The following UMODL1 variants were observed in gnomAD, a reference collection of about 807,000 sequenced individuals.
UMODL1 encodes the protein uromodulin like 1, also known as uromodulin-like 1.
Under a neutral mutation model 136.3 loss-of-function variants are expected in UMODL1, and 128 were observed. The observed-to-expected ratio is 0.94, with a 90% CI of 0.81 to 1.09. The LOEUF (loss-of-function observed/expected upper bound fraction) is 1.09. UMODL1 is among the 50% of genes least tolerant of loss of function. UMODL1 has a pLI of 0.00. For missense variants in UMODL1, 1,766 were observed against 1,725.6 expected (o/e 1.02, Z -0.41); for synonymous variants, 721 against 720.0 (o/e 1.00, Z -0.02).
chr21:42,106,291 C>T (rs145705258), intron 9 of UMODL1, among the ~76,000 whole-genome samples: 57 of 152,238 alleles, frequency 3.7e-4, no homozygotes, highest in African/African-American at 1.3e-3. Context: ...ACCTTCACGG[C>T]GAGGATCTGT....
chr21:42,135,410 G>A (rs896878349), intron 21 of UMODL1, among the ~76,000 whole-genome samples: 6 of 152,236 alleles, frequency 3.9e-5, no homozygotes, highest in African/African-American at 1.2e-4. Context: ...GGTTCAGTTC[G>A]GAGCACACAG....
upstream of UMODL1, among the ~76,000 whole-genome samples, chr21:42,067,560 G>T (rs140813783): frequency 2.6e-4 from 39 of 152,364 alleles, no homozygotes; most frequent in Admixed American, 1.4e-3. Flanking sequence ...AGGGTATTTG[G>T]CTCCTAATCC....
Position 42,111,815 on chromosome 21 carries a change from C to CA in UMODL1, c.2104+107dup, listed in dbSNP as rs1295018516. 1.9e-5 allele frequency: 23 copies of CA among 1,183,422 alleles called. 2 individuals carry two copies. The highest frequency in any genetic ancestry group is 2.7e-5 in the Admixed American group (1 of 37,090). The allele number at this position is 1,183,422 out of a possible 1,614,324, so 73.3% of individuals were successfully genotyped here. ...CAGCCGTGGAGTCGCAGGCTGCTAG[C>CA]AATGCTCAGGCGGCATCCTCATCTT... On this transcript the variant is annotated intron_variant, in intron 12 of 22. Transcript: ENST00000408910.
At chr21:42,074,142 C>A (rs1034995523) in intron 1 of UMODL1, among the ~76,000 whole-genome samples, 4 of 152,074 alleles carry the variant, frequency 2.6e-5, no homozygotes, top group Non-Finnish European at 1.5e-5. Flanking sequence ...GATGAAGTTG[C>A]GGGCAGGGCT....
At position 42,121,437 on chromosome 21, in the gene UMODL1, C is replaced by T. The variant is rs367679495; in HGVS notation, c.2827+213C>T. 1.3e-5 allele frequency among the ~76,000 whole-genome samples: 2 copies of T among 152,046 alleles called. 1 individual carries two copies. The highest frequency in any genetic ancestry group is 4.2e-4 in the South Asian group (2 of 4,818). The stretch of plus-strand genomic sequence containing the variant: ...GTGTGCATGTTCCTTCCCATTCTTT[C>T]ATATGTGTCCAGGCTTCTGGGCAGT... On this transcript the variant is annotated intron_variant, in intron 16 of 22. Coordinates refer to ENST00000408910, the MANE Select transcript of UMODL1 (RefSeq NM_001004416.3).
chr21:42,098,223 G>A (rs879362840), intron 6 of UMODL1, among the ~76,000 whole-genome samples: 3 of 152,104 alleles, frequency 2.0e-5, no homozygotes, highest in Admixed American at 6.5e-5. Context: ...GGATCCCAGA[G>A]AGCCCCACGA....
chr21:42,071,606 A>C (rs557977546), intron 1 of UMODL1, among the ~76,000 whole-genome samples: 1 of 152,228 alleles, frequency 6.6e-6, no homozygotes, highest in South Asian at 2.1e-4. Context: ...TTTTGGGAAG[A>C]GGACTCCCCC....
In UMODL1 at chr21:42,071,334, G is replaced by A; in HGVS notation, c.18G>A (p.Gly6=). The change falls in exon 1 of 23, where the codon GGG becomes GGA. Residue 6 remains glycine (G), a synonymous_variant. Transcript: ENST00000408910. ...GCCGGACGATGCTCAGGACCTCGGG[G>A]CTGGCACTGCTGGCTCTGGTCAGTG... MLRTS[G]LALLALVSAV... The A allele has an allele frequency of 6.3e-7, 1 of 1,595,536 alleles. No individual in the cohort carries two copies. The highest frequency in any genetic ancestry group is 8.5e-7 in the Non-Finnish European group (1 of 1,171,266).
rs776238317 is a variant in UMODL1, at chr21:42,127,724, A to G, written c.3583A>G (p.Lys1195Glu). 2 of 1,614,144 alleles carry G rather than the reference A, an allele frequency of 1.2e-6. No homozygotes were observed. The highest frequency in any genetic ancestry group is 8.5e-7 in the Non-Finnish European group (1 of 1,180,020). Residue 1195 changes from lysine to glutamate, a missense_variant, in exon 20 of 23, where the codon AAG becomes GAG. By Grantham distance (56) the Lys-to-Glu change is moderately conservative. Transcript: ENST00000408910. ...TNVIENGNSN[K>E]AQFKLRIFSF... is the part of the protein sequence containing the mutation. ...CGTGATTGAGAACGGCAACTCCAAT[A>G]AGGCCCAGTTCAAGCTGAGGATCTT...
At position 42,127,021 on chromosome 21, in the gene UMODL1, C is replaced by G. The variant is rs749804614; in HGVS notation, c.3309C>G (p.Ile1103Met). Residue 1103 changes from isoleucine to methionine, a missense_variant, in exon 19 of 23, where the codon ATC (isoleucine) becomes ATG (methionine). Physicochemically the swap from Ile to Met is conservative, Grantham distance 10. Transcript: ENST00000408910. ...FTLEWGVYTIIEDLHGAGNFV... is the reference protein window; with the variant it reads ...FTLEWGVYTIMEDLHGAGNFV... ...CCTCTTGCAGGGTTTACACCATCAT[C>G]GAGGACCTCCACGGCGCTGGGAATT... 7 of 1,614,092 alleles carry G rather than the reference C, an allele frequency of 4.3e-6. No individual in the cohort carries two copies. The highest frequency in any genetic ancestry group is 2.2e-5 in the East Asian group (1 of 44,886).
chr21:42,090,490 C>T (rs781533483), intron 6 of UMODL1, 52 bp downstream of exon 6: 30 of 1,599,798 alleles, frequency 1.9e-5, no homozygotes, highest in Non-Finnish European at 2.5e-5. Context: ...TTCCTGTTTG[C>T]CCCGGGAATA....
At position 42,085,330 on chromosome 21, in the gene UMODL1, C is replaced by T; in HGVS notation, c.521C>T (p.Thr174Ile). 1.2e-6 allele frequency: 2 copies of T among 1,614,070 alleles called. No individual in the cohort carries two copies. The highest frequency in any genetic ancestry group is 1.7e-6 in the Non-Finnish European group (2 of 1,179,984). ...CCTGTGGGCTCCTGGTACAACGTCA[C>T]CATACTGGTGAAAATGGACTTCAAG... ...RDPVGSWYNV[T>I]ILVKMDFKEL... is the part of the protein sequence containing the mutation. The change falls in exon 4 of 23, where the codon ACC becomes ATC. Residue 174 changes from threonine (T) to isoleucine (I), a missense_variant. Thr to Ile is a moderately conservative substitution (Grantham distance 89). Transcript: ENST00000408910. This position sits in a 1 kb window ranked among gnomAD's most constrained non-coding sequence, Gnocchi z 4.5.
At chr21:42,129,944 T>G in intron 21 of UMODL1, 147 bp downstream of exon 21, 5 of 601,734 alleles carry the variant, frequency 8.3e-6, no homozygotes, top group Non-Finnish European at 1.4e-5. Context: ...TACTCATAGT[T>G]AGTATTCACT....
At chr21:42,139,923 C>T (rs220179) in intron 22 of UMODL1, among the ~76,000 whole-genome samples, 25,544 of 152,112 alleles carry the variant, frequency 0.17, 2,457 homozygotes, top group East Asian at 0.31. Flanking sequence ...AGAATCACTT[C>T]CACAAGCGGG....
At chr21:42,088,155 G>C (rs1354011735) in intron 4 of UMODL1, 139 bp from the exon 5 acceptor site, 1 of 825,662 alleles carries the variant, frequency 1.2e-6, no homozygotes, top group Non-Finnish European at 1.9e-6. Flanking sequence ...GGATAGATAA[G>C]TACTGTAGAG....
At chr21:42,071,710 C>T (rs1287259625) in intron 1 of UMODL1, among the ~76,000 whole-genome samples, 1 of 151,944 alleles carries the variant, frequency 6.6e-6, no homozygotes, top group African/African-American at 2.4e-5. Context: ...TGGAACTCTA[C>T]ATGTCTGTGG....
chr21:42,140,848 TTACACTC>T lies in UMODL1; in HGVS notation c.*22-1245_*22-1239del, dbSNP rs2067272327. Among the ~76,000 whole-genome samples the T allele has an allele frequency of 5.9e-5, 9 of 152,248 alleles. No homozygotes were observed. The South Asian group carries it at 1.9e-3, about 32-fold the overall frequency. On this transcript the variant is annotated intron_variant, in intron 22 of 22. Coordinates refer to ENST00000408910, the MANE Select transcript of UMODL1 (RefSeq NM_001004416.3). ...ACAACAGCGAAGTTTCAGTTCAACT[TTACACTC>T]TAATAGTGAAAAATAAGGAAGCTTC...
In UMODL1 at chr21:42,085,532, C is replaced by G. The variant is rs762051880; in HGVS notation, c.603+120C>G. ...GGAGGGTGATGTTCCCCAAATGGCC[C>G]CAAATGACTGACTCTGAACGAAATT... On this transcript the variant is annotated intron_variant, in intron 4 of 22. Transcript: ENST00000408910. This position sits in a 1 kb window ranked among gnomAD's most constrained non-coding sequence, Gnocchi z 4.5. 1.3e-5 allele frequency: 19 copies of G among 1,481,962 alleles called. No homozygotes were observed. The South Asian group carries it at 2.0e-4, about 16-fold the overall frequency. The allele number at this position is 1,481,962 out of a possible 1,614,324, so 91.8% of individuals were successfully genotyped here.
rs1349376218 is a variant in UMODL1 at position 42,126,454 on chromosome 21, A to G, written c.3257A>G (p.Asp1086Gly). 4 of 1,614,084 alleles carry G rather than the reference A, an allele frequency of 2.5e-6. No individual in the cohort carries two copies. The highest frequency in any genetic ancestry group is 3.4e-6 in the Non-Finnish European group (4 of 1,180,032). The change falls in exon 18 of 23, where the codon GAC becomes GGC. Residue 1086 changes from aspartate to glycine, a missense_variant. Transcript: ENST00000408910. ...CCCATCTACTGCGCCTTCCAGAATGACCTGCTGACATCCTCCGGCTTCACC... is the reference window on the plus strand; with the variant it reads ...CCCATCTACTGCGCCTTCCAGAATGGCCTGCTGACATCCTCCGGCTTCACC... The part of the protein sequence containing the change: ...LSPIYCAFQN[D>G]LLTSSGFTLE...
Sources: allele counts gnomAD v4.1 joint callset (sites outside exome capture counted in the v4.1 genomes callset), GRCh38; gene constraint gnomAD v4.1.1; non-coding constraint Gnocchi (gnomAD v3.1); transcripts MANE v1.5; gene names NCBI Gene and HGNC (gene_info 2026-07-23, HGNC 2026-07-21).